TEX11: variants seen among roughly 807,000 people sequenced by gnomAD.
TEX11 encodes testis expressed 11.
In TEX11, 7 loss-of-function variants were observed where a neutral mutation model predicts 84.4. The observed-to-expected ratio is 0.08, with a 90% CI of 0.05 to 0.16. The LOEUF (loss-of-function observed/expected upper bound fraction) is 0.16, where lower values mean the gene tolerates loss of function less well. TEX11 is among the 10% of genes least tolerant of loss of function. The pLI is 1.00. For synonymous variants in TEX11, 264 were observed against 222.8 expected, an observed-to-expected ratio of 1.18 and a Z score of -1.64; for missense variants, 551 against 660.5, an observed-to-expected ratio of 0.83 and a Z score of 1.82.
chrX:70,667,655 C>T (rs1418447175), intron 16 of TEX11, among the ~76,000 whole-genome samples: 3 of 111,849 alleles, frequency 2.7e-5, no homozygotes, highest in African/African-American at 9.8e-5. Flanking sequence ...AGGCCGGGCG[C>T]GGTGGCTCAC....
At chrX:70,701,870 C>A (rs962833931) in intron 13 of TEX11, among the ~76,000 whole-genome samples, 1 of 110,996 alleles carries the variant, frequency 9.0e-6, no homozygotes. Context: ...GCAGATGTGG[C>A]GGAAATAGCA....
intron 11 of TEX11, among the ~76,000 whole-genome samples, chrX:70,732,157 A>C (rs2147734294): frequency 9.0e-6 from 1 of 111,721 alleles, no homozygotes; most frequent in African/African-American, 3.3e-5. Flanking sequence ...TGTATCTCAA[A>C]ATAATAAGAG....
chrX:70,805,732 G>A (rs1251243982), intron 9 of TEX11, among the ~76,000 whole-genome samples: 1 of 111,313 alleles, frequency 9.0e-6, no homozygotes, highest in Non-Finnish European at 1.9e-5. Context: ...TCAAAGCACT[G>A]CACCTTATGT....
At chrX:70,700,240 C>T (rs892663635) in intron 13 of TEX11, among the ~76,000 whole-genome samples, 2 of 110,861 alleles carry the variant, frequency 1.8e-5, no homozygotes, top group Non-Finnish European at 3.8e-5. Context: ...CTCAGCCTCC[C>T]GAGTAGTTAG....
intron 18 of TEX11, 56 bp from the exon 19 acceptor site, chrX:70,624,980 A>G (rs1489550138): frequency 1.2e-5 from 10 of 825,380 alleles, no homozygotes; most frequent in Admixed American, 2.6e-5. Context: ...ACTGCAAAAT[A>G]TTATCTATAT....
chrX:70,595,512 G>A (rs919257405), intron 24 of TEX11, among the ~76,000 whole-genome samples: 4 of 111,127 alleles, frequency 3.6e-5, no homozygotes, highest in Non-Finnish European at 7.5e-5. Flanking sequence ...GGAGAGAACA[G>A]AGTTAATAGG....
chrX:70,709,260 C>G (rs1359674807), intron 13 of TEX11, among the ~76,000 whole-genome samples: 1 of 111,198 alleles, frequency 9.0e-6, no homozygotes. Flanking sequence ...ATGGGAATAT[C>G]TGAATAAACA....
At chrX:70,691,352 G>C (rs1377063542) in intron 13 of TEX11, among the ~76,000 whole-genome samples, 1 of 112,108 alleles carries the variant, frequency 8.9e-6, no homozygotes, top group African/African-American at 3.2e-5. Flanking sequence ...GTCTCGAACA[G>C]ATATTTGTGC....
intron 5 of TEX11, among the ~76,000 whole-genome samples, chrX:70,853,977 T>A (rs1254206762): frequency 1.8e-5 from 2 of 111,913 alleles, no homozygotes; most frequent in East Asian, 5.6e-4. Flanking sequence ...ACAACACAGG[T>A]TAATGAAAAA....
In TEX11 at chrX:70,833,554, C is replaced by A; in HGVS notation, c.565G>T (p.Val189Leu). The change falls in exon 8 of 30, where the codon GTA (valine) becomes TTA (leucine). Residue 189 changes from valine to leucine, a missense_variant. Val to Leu is a conservative substitution (Grantham distance 32, BLOSUM62 1). Coordinates refer to ENST00000374333, the MANE Select transcript of TEX11 (RefSeq NM_031276.3). The stretch of plus-strand genomic sequence containing the variant: ...ATCAACATATCTTTACATTGCAGTA[C>A]ACACATAGATGCTCTTTGAAAATCC... ...QGDFQRASMCVLQCKDMLMRL... is the reference protein window; with the variant it reads ...QGDFQRASMCLLQCKDMLMRL... The A allele has an allele frequency of 8.3e-7, 1 of 1,205,722 alleles. No individual in the cohort carries two copies. Among genetic ancestry groups the A allele is most frequent in the Non-Finnish European group, 1.1e-6 (1 of 893,106 alleles).
At chrX:70,807,152 C>T (rs943714636) in intron 8 of TEX11, among the ~76,000 whole-genome samples, 9 of 111,935 alleles carry the variant, frequency 8.0e-5, no homozygotes, top group Non-Finnish European at 1.5e-4. Flanking sequence ...TAAAACCCTG[C>T]TTTTGGTTGC....
chrX:70,639,108 A>G (rs1210058378), intron 17 of TEX11, among the ~76,000 whole-genome samples: 1 of 110,666 alleles, frequency 9.0e-6, no homozygotes, highest in East Asian at 2.9e-4. Flanking sequence ...CGGCGGGGGG[A>G]AGCGCAAGGG....
At chrX:70,542,003 C>T (rs1342957889) in intron 28 of TEX11, among the ~76,000 whole-genome samples, 2 of 111,285 alleles carry the variant, frequency 1.8e-5, no homozygotes, top group African/African-American at 3.3e-5. Flanking sequence ...TGAGCTTCTC[C>T]TTTAAACTAA....
At chrX:70,783,748 C>A (rs901142762) in intron 9 of TEX11, among the ~76,000 whole-genome samples, 18 of 111,755 alleles carry the variant, frequency 1.6e-4, no homozygotes, top group African/African-American at 5.8e-4. Context: ...AATTCCTGGA[C>A]ACTTACATCC....
intron 25 of TEX11, among the ~76,000 whole-genome samples, chrX:70,576,610 A>G (rs1016312277): frequency 8.0e-5 from 9 of 112,343 alleles, no homozygotes; most frequent in African/African-American, 2.6e-4. Flanking sequence ...TGAAATATGC[A>G]TTCATAAATA....
At chrX:70,687,544 C>G (rs2090199284) in intron 13 of TEX11, among the ~76,000 whole-genome samples, 1 of 110,697 alleles carries the variant, frequency 9.0e-6, no homozygotes, top group Non-Finnish European at 1.9e-5. Context: ...GAATAAATTT[C>G]TGTTGTTTTA....
At position 70,670,547 on chromosome X, in the gene TEX11, C is replaced by T. The variant is rs187541596; in HGVS notation, c.1243-33G>A. 29 of 1,168,642 alleles carry T rather than the reference C, an allele frequency of 2.5e-5. No individual in the cohort carries two copies. In the East Asian group the frequency reaches 7.0e-4, roughly 28 times the overall value. On this transcript the variant is annotated intron_variant, in intron 15 of 29. Transcript: ENST00000374333. Reference sequence around the variant, plus strand: ...TTAAAAAGAAACAACAAAATCACAGCGATGTCGCTACCCTATCTTTCCCAA... The same window carrying T: ...TTAAAAAGAAACAACAAAATCACAGTGATGTCGCTACCCTATCTTTCCCAA...
intron 7 of TEX11, among the ~76,000 whole-genome samples, chrX:70,851,710 G>T (rs2047488798): frequency 1.1e-5 from 1 of 94,647 alleles, no homozygotes; most frequent in Admixed American, 1.1e-4. Context: ...CAGAGTAAAT[G>T]AATGTTCACA....
intron 15 of TEX11, among the ~76,000 whole-genome samples, chrX:70,672,481 C>T (rs377488183): frequency 1.2e-4 from 14 of 112,075 alleles, no homozygotes; most frequent in Admixed American, 1.0e-3. Context: ...CCATGAAGTT[C>T]CAGTTCCTCA....
Sources: allele counts gnomAD v4.1 joint callset (sites outside exome capture counted in the v4.1 genomes callset), GRCh38; gene constraint gnomAD v4.1.1; transcripts MANE v1.5; gene names NCBI Gene and HGNC (gene_info 2026-07-23, HGNC 2026-07-21).